Variants in GRIK3 observed in about 807,000 individuals in gnomAD.
GRIK3 encodes the protein glutamate ionotropic receptor kainate type subunit 3.
A neutral mutation model predicts 102.5 loss-of-function variants in GRIK3; 29 were observed. The observed-to-expected ratio is 0.28, with a 90% CI of 0.21 to 0.39. GRIK3 has a LOEUF of 0.39. Ranked by LOEUF, GRIK3 falls within the 10% of genes least tolerant of loss-of-function variation. The pLI is 1.00. For synonymous variants in GRIK3, 511 were observed against 504.9 expected, an observed-to-expected ratio of 1.01 and a Z score of -0.16; for missense variants, 908 against 1,252.4, an observed-to-expected ratio of 0.73 and a Z score of 4.15.
At chr1:36,997,056 C>A (rs768554690) in intron 1 of GRIK3, among the ~76,000 whole-genome samples, 1 of 152,178 alleles carries the variant, frequency 6.6e-6, no homozygotes, top group African/African-American at 2.4e-5. Flanking sequence ...GTTCTAGGGA[C>A]AGCCAGAAGA....
intron 1 of GRIK3, among the ~76,000 whole-genome samples, chr1:36,969,461 T>C (rs1028907762): frequency 6.6e-6 from 1 of 152,240 alleles, no homozygotes; most frequent in Non-Finnish European, 1.5e-5. Context: ...CACATAATCA[T>C]TGACAGATAG....
At chr1:36,838,629 CT>C (rs1211348648) in intron 10 of GRIK3, among the ~76,000 whole-genome samples, 1 of 152,114 alleles carries the variant, frequency 6.6e-6, no homozygotes, top group African/African-American at 2.4e-5. Flanking sequence ...CTGGGAAGGG[CT>C]TTTTAAGTCC....
At chr1:36,818,486 T>C (rs1428813767) in intron 12 of GRIK3, among the ~76,000 whole-genome samples, 1 of 152,234 alleles carries the variant, frequency 6.6e-6, no homozygotes, top group Non-Finnish European at 1.5e-5. Context: ...CAAACCAGGC[T>C]TTGGGCTGCT....
intron 5 of GRIK3, among the ~76,000 whole-genome samples, chr1:36,865,250 G>A (rs575781565): frequency 1.3e-5 from 2 of 152,306 alleles, no homozygotes; most frequent in South Asian, 4.1e-4. Context: ...ATTAATGCGA[G>A]GTTATCTGGG....
chr1:37,004,464 G>C (rs896392396), intron 1 of GRIK3, among the ~76,000 whole-genome samples: 1 of 152,152 alleles, frequency 6.6e-6, no homozygotes, highest in African/African-American at 2.4e-5. Context: ...AGGGCAGTGG[G>C]GGTCTGGGGT....
intron 13 of GRIK3, among the ~76,000 whole-genome samples, chr1:36,808,664 C>T (rs1642526367): frequency 6.6e-6 from 1 of 152,214 alleles, no homozygotes; most frequent in Non-Finnish European, 1.5e-5. Flanking sequence ...TTAGCCAACA[C>T]CTTGACTGCA....
At chr1:36,989,550 T>A (rs1557454174) in intron 1 of GRIK3, among the ~76,000 whole-genome samples, 3 of 152,214 alleles carry the variant, frequency 2.0e-5, no homozygotes, top group African/African-American at 7.2e-5. Context: ...GTTAATTGCT[T>A]GGAGTCTGGC....
intron 1 of GRIK3, among the ~76,000 whole-genome samples, chr1:36,920,052 C>T (rs1641449504): frequency 6.6e-6 from 1 of 152,208 alleles, no homozygotes; most frequent in South Asian, 2.1e-4. Context: ...GGCCAAGGAC[C>T]ACGGCTGAGA....
rs1437660649 is a variant in GRIK3 at position 36,872,965 on chromosome 1, C to T, written c.551-596G>A. Among the ~76,000 whole-genome samples the T allele has an allele frequency of 6.6e-6, 1 of 152,234 alleles. No homozygotes were observed. The highest frequency in any genetic ancestry group is 1.9e-4 in the East Asian group (1 of 5,200). On this transcript the variant is annotated intron_variant, in intron 3 of 15. Transcript: ENST00000373091. The surrounding 1 kb of genome is among the most constrained non-coding windows in gnomAD (Gnocchi z 5.9). ...GAGGTATTTGTGTCTCCGCCCTCGTCCTCACTAAGGGCAGTCTGCCTTGGT... is the reference window on the plus strand; with the variant it reads ...GAGGTATTTGTGTCTCCGCCCTCGTTCTCACTAAGGGCAGTCTGCCTTGGT...
At chr1:36,830,351 G>A (rs1486157911) in intron 10 of GRIK3, among the ~76,000 whole-genome samples, 1 of 150,638 alleles carries the variant, frequency 6.6e-6, no homozygotes, top group Non-Finnish European at 1.5e-5. Context: ...GTAGTGGATT[G>A]AATTATGCCC....
rs780783952 is a variant in GRIK3 at position 36,841,721 on chromosome 1, C to T, written c.1530+15G>A. The T allele has an allele frequency of 4.4e-6, 7 of 1,607,050 alleles. No individual in the cohort carries two copies. In the African/African-American group the frequency reaches 5.3e-5, roughly 12 times the overall value. On this transcript the variant is annotated intron_variant, in intron 10 of 15. Transcript: ENST00000373091. ...CCAGGGTCCTGAGCCCTCCCATGCT[C>T]CCATCCATGCTTACGTGGTCGATGA...
At chr1:36,953,918 G>A (rs1000921279) in intron 1 of GRIK3, among the ~76,000 whole-genome samples, 4 of 152,160 alleles carry the variant, frequency 2.6e-5, no homozygotes, top group South Asian at 2.1e-4. Flanking sequence ...GCCGGGAAAG[G>A]ACAATTAGAG....
chr1:36,932,874 G>A (rs1374894667), intron 1 of GRIK3, among the ~76,000 whole-genome samples: 3 of 152,084 alleles, frequency 2.0e-5, no homozygotes, highest in Non-Finnish European at 4.4e-5. Context: ...CCAGGGCCTG[G>A]CACATAAATC....
chr1:36,945,431 C>A (rs1159017436), intron 1 of GRIK3, among the ~76,000 whole-genome samples: 1 of 152,152 alleles, frequency 6.6e-6, no homozygotes, highest in Non-Finnish European at 1.5e-5. Flanking sequence ...TGGGTTTCGG[C>A]CAGGGAATGG....
At chr1:36,860,546 C>T (rs962773814) in intron 5 of GRIK3, among the ~76,000 whole-genome samples, 1 of 152,210 alleles carries the variant, frequency 6.6e-6, no homozygotes, top group Non-Finnish European at 1.5e-5. Context: ...CTCCTCATCC[C>T]TTGCCTCCTA....
chr1:36,806,333 C>A lies in GRIK3; in HGVS notation c.2092-7G>T. On this transcript the variant is annotated splice_polypyrimidine_tract_variant and splice_region_variant and intron_variant, in intron 13 of 15. Transcript: ENST00000373091. This position sits in a 1 kb window ranked among gnomAD's most constrained non-coding sequence, Gnocchi z 4.0. The stretch of plus-strand genomic sequence containing the variant: ...AGGTGGAGATCTTGGATTTCTGGGC[C>A]GTGAGGGAAGGGGTGATGCACACAC... 6.3e-7 allele frequency: 1 copy of A among 1,599,670 alleles called. No individual in the cohort carries two copies. The highest frequency in any genetic ancestry group is 8.6e-7 in the Non-Finnish European group (1 of 1,168,326).
chr1:36,902,518 G>C (rs1394656325), intron 1 of GRIK3, among the ~76,000 whole-genome samples: 1 of 152,098 alleles, frequency 6.6e-6, no homozygotes, highest in Non-Finnish European at 1.5e-5. Context: ...AGAACAACTG[G>C]ACATCCACAT....
At chr1:36,832,168 G>A (rs1267232153) in intron 10 of GRIK3, among the ~76,000 whole-genome samples, 1 of 152,198 alleles carries the variant, frequency 6.6e-6, no homozygotes, top group Non-Finnish European at 1.5e-5. Context: ...GATTCTCTGG[G>A]TGTTTCCACC....
chr1:36,960,962 T>C (rs1027370235), intron 1 of GRIK3, among the ~76,000 whole-genome samples: 4 of 152,144 alleles, frequency 2.6e-5, no homozygotes, highest in Non-Finnish European at 4.4e-5. Flanking sequence ...GCACAACACA[T>C]AGGTCACCAC....
Sources: gnomAD v4.1 joint callset for allele counts (sites outside exome capture counted in the v4.1 genomes callset) on GRCh38, gnomAD v4.1.1 for gene constraint, Gnocchi (gnomAD v3.1) non-coding constraint, MANE v1.5 for transcripts, NCBI Gene and HGNC (gene_info 2026-07-23, HGNC 2026-07-21) for gene names.